ROBO2: variants seen among roughly 807,000 people sequenced by gnomAD.
ROBO2 encodes the protein roundabout homolog 2.
A neutral mutation model predicts 160.8 loss-of-function variants in ROBO2; 53 were observed. The observed-to-expected ratio is 0.33, with a 90% CI of 0.26 to 0.41. ROBO2 has a LOEUF of 0.41. ROBO2 is among the 10% of genes least tolerant of loss of function. The pLI is 1.00. For missense variants in ROBO2, 1,577 were observed against 1,722.4 expected (o/e 0.92, Z 1.49); for synonymous variants, 664 against 611.7 (o/e 1.09, Z -1.26).
rs140544801 is a variant in ROBO2, at chr3:76,982,138, A to T, written c.110-115876A>T. Among the ~76,000 whole-genome samples, 68 of 152,232 alleles carry T rather than the reference A, an allele frequency of 4.5e-4. No individual in the cohort carries two copies. The East Asian group carries it at 0.012, about 26-fold the overall frequency. ...CTGCTGCATTTGCTTTTGGTTTCGT[A>T]TCTAAGAAACTACCACCAAATTCAA... On this transcript the variant is annotated intron_variant, in intron 2 of 26. Transcript: ENST00000487694.
intron 1 of ROBO2, among the ~76,000 whole-genome samples, chr3:77,085,365 A>G (rs982802310): frequency 6.6e-6 from 1 of 152,164 alleles, no homozygotes; most frequent in African/African-American, 2.4e-5. Context: ...CAAATTTTAG[A>G]GCTATTTGCA....
intron 2 of ROBO2, among the ~76,000 whole-genome samples, chr3:76,284,988 A>G (rs558423002): frequency 1.3e-5 from 2 of 152,224 alleles, no homozygotes; most frequent in South Asian, 2.1e-4. Context: ...CTGTGCTGCA[A>G]CCCTATCCAT....
intron 2 of ROBO2, among the ~76,000 whole-genome samples, chr3:76,673,244 C>A (rs933047301): frequency 6.6e-6 from 1 of 152,156 alleles, no homozygotes; most frequent in Admixed American, 6.5e-5. Flanking sequence ...TCAAGATCTG[C>A]AATGACAAAG....
intron 2 of ROBO2, among the ~76,000 whole-genome samples, chr3:76,105,915 G>A (rs1300075406): frequency 6.6e-6 from 1 of 152,052 alleles, no homozygotes; most frequent in African/African-American, 2.4e-5. Context: ...TTCCAATAGG[G>A]TGGAAGGAAA....
In ROBO2 at chr3:76,998,012, G is replaced by C. The variant is rs76140948; in HGVS notation, c.110-100002G>C. On this transcript the variant is annotated intron_variant, in intron 2 of 26. Coordinates refer to the ROBO2 transcript ENST00000487694. ...AGAACATAAATCCTCTTGAGTCATGGGCTCAGAACAGTTCAACATCACTTG... is the reference window on the plus strand; with the variant it reads ...AGAACATAAATCCTCTTGAGTCATGCGCTCAGAACAGTTCAACATCACTTG... Among the ~76,000 whole-genome samples, 383 of 152,188 alleles carry C rather than the reference G, an allele frequency of 2.5e-3. 2 individuals are homozygous for C. The highest frequency in any genetic ancestry group is 8.6e-3 in the African/African-American group (357 of 41,528).
exon 22 of ROBO2, chr3:77,617,564 C>T (rs770415244): frequency 1.2e-6 from 2 of 1,614,114 alleles, no homozygotes; most frequent in South Asian, 1.1e-5. Flanking sequence ...CTTACTTACA[C>T]CAAGGTCTGG....
chr3:77,191,480 G>C (rs993147583), intron 2 of ROBO2, among the ~76,000 whole-genome samples: 5 of 152,076 alleles, frequency 3.3e-5, no homozygotes, highest in African/African-American at 4.8e-5. Flanking sequence ...GGGATAAGAG[G>C]CTAATACATT....
At chr3:77,054,868 C>T (rs980143290) in intron 1 of ROBO2, among the ~76,000 whole-genome samples, 1 of 151,794 alleles carries the variant, frequency 6.6e-6, no homozygotes, top group Non-Finnish European at 1.5e-5. Flanking sequence ...GGGCATCCTG[C>T]CGTAATGTCA....
At chr3:76,978,691 C>G (rs1277896782) in intron 2 of ROBO2, among the ~76,000 whole-genome samples, 1 of 152,000 alleles carries the variant, frequency 6.6e-6, no homozygotes, top group South Asian at 2.1e-4. Context: ...AGATACTTAA[C>G]TCAGTTTCGA....
chr3:76,678,090 C>A (rs929742445), intron 2 of ROBO2, among the ~76,000 whole-genome samples: 1 of 149,536 alleles, frequency 6.7e-6, no homozygotes, highest in South Asian at 2.1e-4. Context: ...CCTGCCTCAG[C>A]CTCCTGAATA....
intron 2 of ROBO2, among the ~76,000 whole-genome samples, chr3:76,612,715 A>G (rs1040745192): frequency 1.3e-5 from 2 of 152,188 alleles, no homozygotes; most frequent in Non-Finnish European, 1.5e-5. Flanking sequence ...AGTAAAATTA[A>G]AAATAATAAT....
intron 2 of ROBO2, among the ~76,000 whole-genome samples, chr3:76,019,373 G>T (rs910383556): frequency 6.7e-6 from 1 of 149,916 alleles, no homozygotes; most frequent in Non-Finnish European, 1.5e-5. Context: ...CTGAAGTTCC[G>T]TGCGTATCTG....
At chr3:77,577,407 G>A (rs1227023059) in intron 14 of ROBO2, 83 bp from the exon 16 acceptor site, 2 of 1,581,260 alleles carry the variant, frequency 1.3e-6, no homozygotes, top group Admixed American at 3.4e-5. Context: ...CCTGCAACTT[G>A]TCTTTATACT....
At chr3:77,061,102 C>T (rs964338056) in intron 1 of ROBO2, among the ~76,000 whole-genome samples, 10 of 151,980 alleles carry the variant, frequency 6.6e-5, no homozygotes, top group African/African-American at 2.4e-4. Context: ...CCAGCTCATT[C>T]TTTTTTAATT....
intron 2 of ROBO2, among the ~76,000 whole-genome samples, chr3:77,202,887 A>C (rs549489387): frequency 1.3e-5 from 2 of 152,322 alleles, no homozygotes; most frequent in African/African-American, 4.8e-5. Flanking sequence ...AGGACAGAAA[A>C]TACTCATCCA....
chr3:76,553,462 T>C (rs1373882933), intron 2 of ROBO2, among the ~76,000 whole-genome samples: 1 of 152,172 alleles, frequency 6.6e-6, no homozygotes, highest in Admixed American at 6.5e-5. Flanking sequence ...AGTGGAGTGT[T>C]ATGATCTGAG....
At chr3:77,110,332 A>C (rs999372937) in intron 2 of ROBO2, among the ~76,000 whole-genome samples, 1 of 152,182 alleles carries the variant, frequency 6.6e-6, no homozygotes, top group Non-Finnish European at 1.5e-5. Context: ...TTTTTGAGTC[A>C]TTAACATATT....
At chr3:76,026,844 T>C (rs1279797763) in intron 2 of ROBO2, among the ~76,000 whole-genome samples, 3 of 151,936 alleles carry the variant, frequency 2.0e-5, no homozygotes, top group Non-Finnish European at 4.4e-5. Context: ...AGACTTTATA[T>C]AGATATTTGA....
intron 2 of ROBO2, among the ~76,000 whole-genome samples, chr3:76,749,982 G>C (rs1459719177): frequency 6.6e-6 from 1 of 152,058 alleles, no homozygotes; most frequent in Non-Finnish European, 1.5e-5. Flanking sequence ...AAGCCGGGCA[G>C]AGACACAACA....
Sources: allele counts gnomAD v4.1 joint callset (sites outside exome capture counted in the v4.1 genomes callset), GRCh38; gene constraint gnomAD v4.1.1; transcripts MANE v1.5; gene names NCBI Gene and HGNC (gene_info 2026-07-23, HGNC 2026-07-21).